Variants in CNTN1 observed in about 807,000 individuals in gnomAD.
The protein encoded by CNTN1 is contactin-1.
A neutral mutation model predicts 126.4 loss-of-function variants in CNTN1; 38 were observed. The observed-to-expected ratio is 0.30, with a 90% CI of 0.23 to 0.39. The LOEUF (loss-of-function observed/expected upper bound fraction) is 0.39, where lower values mean the gene tolerates loss of function less well. Among genes scored for constraint, CNTN1 ranks in the 10% least tolerant of loss-of-function variants. The pLI is 1.00. For missense variants in CNTN1, 1,009 were observed against 1,248.4 expected (o/e 0.81, Z 2.89); for synonymous variants, 413 against 422.6 (o/e 0.98, Z 0.28).
intron 23 of CNTN1, among the ~76,000 whole-genome samples, chr12:41,055,320 G>A (rs1453623602): frequency 6.6e-6 from 1 of 152,010 alleles, no homozygotes; most frequent in African/African-American, 2.4e-5. Flanking sequence ...TTTTCACAAT[G>A]CATTTCTTGG....
intron 23 of CNTN1, among the ~76,000 whole-genome samples, chr12:41,030,994 T>A (rs1949134638): frequency 6.6e-6 from 1 of 152,150 alleles, no homozygotes. Context: ...CACAAATAAC[T>A]AAATAAATTG....
At chr12:40,755,190 C>CAAAAAAAAAAAAAAAAAA (rs557970110) in intron 1 of CNTN1, among the ~76,000 whole-genome samples, 25 of 78,204 alleles carry the variant, frequency 3.2e-4, no homozygotes, top group South Asian at 4.7e-4. Context: ...GACCCCACCT[C>CAAAAAAAAAAAAAAAAAA]AAAAAAAAAA....
At chr12:40,961,312 A>C (rs1566043882) in intron 15 of CNTN1, among the ~76,000 whole-genome samples, 1 of 152,014 alleles carries the variant, frequency 6.6e-6, no homozygotes, top group Non-Finnish European at 1.5e-5. Flanking sequence ...AGAAATTTGC[A>C]ATTAAAATAG....
chr12:40,759,215 T>C (rs1024240497), intron 1 of CNTN1, among the ~76,000 whole-genome samples: 3 of 151,882 alleles, frequency 2.0e-5, no homozygotes, highest in African/African-American at 4.8e-5. Context: ...AGTATTCAGG[T>C]TTTATAGCAA....
At chr12:41,041,193 T>C (rs1190771661) in intron 23 of CNTN1, among the ~76,000 whole-genome samples, 1 of 152,112 alleles carries the variant, frequency 6.6e-6, no homozygotes, top group Non-Finnish European at 1.5e-5. Context: ...TTGTCTTTGG[T>C]TCTGTTTATA....
chr12:40,794,151 T>A (rs747253896), intron 1 of CNTN1, among the ~76,000 whole-genome samples: 54 of 152,188 alleles, frequency 3.5e-4, no homozygotes, highest in Admixed American at 9.8e-4. Context: ...ATAAATAGGA[T>A]CATTGAGCAG....
intron 23 of CNTN1, among the ~76,000 whole-genome samples, chr12:41,052,579 TTATC>T (rs1196848231): frequency 6.6e-6 from 1 of 152,260 alleles, no homozygotes; most frequent in African/African-American, 2.4e-5. Context: ...TTATCATACT[TTATC>T]TATCTTTGTA....
In CNTN1 at chr12:40,715,416, C is replaced by T. The variant is rs187981479; in HGVS notation, c.-77+22824C>T. Among the ~76,000 whole-genome samples the T allele has an allele frequency of 4.6e-5, 7 of 151,734 alleles. No homozygotes were observed. In the East Asian group the frequency reaches 5.8e-4, roughly 13 times the overall value. ...CAGATTCGTTTATGCATAGGATAGC[C>T]GCATTAGCAGGATTTTTTTTGCCTT... On this transcript the variant is annotated intron_variant, in intron 1 of 23. Transcript: ENST00000551295.
intron 1 of CNTN1, among the ~76,000 whole-genome samples, chr12:40,866,037 C>A (rs1943283022): frequency 6.6e-6 from 1 of 151,974 alleles, no homozygotes; most frequent in Admixed American, 6.6e-5. Context: ...GCACTTCTTT[C>A]ATCAAATTCT....
At chr12:40,947,769 A>ATG (rs1946481643) in intron 14 of CNTN1, among the ~76,000 whole-genome samples, 1 of 56,928 alleles carries the variant, frequency 1.8e-5, no homozygotes, top group Non-Finnish European at 3.4e-5. Context: ...TATTTCATAT[A>ATG]TATATATATA....
rs751696815 is a variant in CNTN1, at chr12:40,885,346, CTGTT to C, written c.-76-23006_-76-23003del. Among the ~76,000 whole-genome samples the C allele has an allele frequency of 4.1e-4, 62 of 152,010 alleles. 1 individual carries two copies. The highest frequency in any genetic ancestry group is 3.4e-3 in the Middle Eastern group (1 of 294). ...CAGAAAATGTTAGTTCTTATAGAAT[CTGTT>C]TGTTCTGTAAAGAACACCATTTTTT... On this transcript the variant is annotated intron_variant, in intron 1 of 23. Coordinates refer to ENST00000551295, the MANE Select transcript of CNTN1 (RefSeq NM_001843.4).
At chr12:40,801,783 T>C (rs754015398) in intron 1 of CNTN1, among the ~76,000 whole-genome samples, 2 of 151,850 alleles carry the variant, frequency 1.3e-5, no homozygotes, top group Non-Finnish European at 2.9e-5. Context: ...TTGAGTCCAG[T>C]TGGTATGATG....
intron 1 of CNTN1, among the ~76,000 whole-genome samples, chr12:40,773,694 C>CAT (rs1939458294): frequency 1.2e-4 from 1 of 8,580 alleles, no homozygotes; most frequent in African/African-American, 3.8e-4. Context: ...TATATATATA[C>CAT]ACATATATAT....
intron 1 of CNTN1, among the ~76,000 whole-genome samples, chr12:40,794,445 T>C (rs1487329772): frequency 6.6e-6 from 1 of 152,010 alleles, no homozygotes; most frequent in African/African-American, 2.4e-5. Flanking sequence ...ACTACTTTTT[T>C]TTTTTTGCAT....
intron 1 of CNTN1, among the ~76,000 whole-genome samples, chr12:40,826,436 GA>G (rs1331650215): frequency 2.0e-5 from 3 of 152,090 alleles, no homozygotes; most frequent in African/African-American, 7.2e-5. Context: ...TATGAAAATA[GA>G]AGCTACCCGG....
chr12:40,773,372 G>T (rs1009154276), intron 1 of CNTN1, among the ~76,000 whole-genome samples: 8 of 151,454 alleles, frequency 5.3e-5, no homozygotes, highest in African/African-American at 1.9e-4. Flanking sequence ...CAACAGTGAG[G>T]ATTCAGACAT....
chr12:40,925,505 T>G (rs1945611920), intron 6 of CNTN1, among the ~76,000 whole-genome samples: 1 of 147,928 alleles, frequency 6.8e-6, no homozygotes, highest in African/African-American at 2.5e-5. Context: ...TCACACAAAA[T>G]TATGTTATAT....
At chr12:40,943,817 CT>C (rs1217825657) in intron 13 of CNTN1, 93 bp downstream of exon 13, 26 of 1,509,798 alleles carry the variant, frequency 1.7e-5, no homozygotes, top group Admixed American at 5.5e-5. Flanking sequence ...TTGTAAGTTT[CT>C]TTTTCAAAAG....
intron 17 of CNTN1, among the ~76,000 whole-genome samples, chr12:40,996,008 T>G (rs1301337882): frequency 1.4e-4 from 22 of 152,182 alleles, no homozygotes; most frequent in Non-Finnish European, 4.4e-5. Context: ...ATCTAAAGGC[T>G]TTGCTCCTAA....
Sources: gnomAD v4.1 joint callset for allele counts (sites outside exome capture counted in the v4.1 genomes callset) on GRCh38, gnomAD v4.1.1 for gene constraint, MANE v1.5 for transcripts, NCBI Gene and HGNC (gene_info 2026-07-23, HGNC 2026-07-21) for gene names.